ULK4: variants seen among roughly 807,000 people sequenced by gnomAD.
ULK4 encodes the protein inactive serine/threonine-protein kinase ULK4.
ULK4 carries 133 observed loss-of-function variants against 160.6 expected under a neutral mutation model. The observed-to-expected ratio is 0.83, with a 90% CI of 0.72 to 0.96. The LOEUF (loss-of-function observed/expected upper bound fraction) is 0.96. Among genes scored for constraint, ULK4 ranks in the 40% least tolerant of loss-of-function variants. ULK4 has a pLI of 0.00. For synonymous variants in ULK4, 534 were observed against 539.8 expected, an observed-to-expected ratio of 0.99 and a Z score of 0.15; for missense variants, 1,580 against 1,499.5, an observed-to-expected ratio of 1.05 and a Z score of -0.89.
intron 12 of ULK4, among the ~76,000 whole-genome samples, chr3:41,905,269 A>G (rs571486733): frequency 2.3e-4 from 32 of 142,110 alleles, no homozygotes; most frequent in Non-Finnish European, 4.0e-4. Context: ...AGACAACTGG[A>G]TGTTTCGATG....
chr3:41,914,542 C>A (rs1698904863), intron 8 of ULK4, among the ~76,000 whole-genome samples: 1 of 152,110 alleles, frequency 6.6e-6, no homozygotes, highest in Admixed American at 6.5e-5. Flanking sequence ...TAGCCTTTGG[C>A]CAGCCATTTC....
rs148806676 is a variant in ULK4, at chr3:41,409,059, C to T, written c.3493-10795G>A. The stretch of plus-strand genomic sequence containing the variant: ...CTGCATGAGCCCAGGAGTTTGACAA[C>T]AGCCTGGGGAACGTGGCGAAACCCC... On this transcript the variant is annotated intron_variant, in intron 34 of 36. Transcript: ENST00000301831. Among the ~76,000 whole-genome samples the T allele has an allele frequency of 5.0e-3, 754 of 152,184 alleles. 6 individuals are homozygous for T. Among genetic ancestry groups the T allele is most frequent in the African/African-American group, 0.017 (695 of 41,504 alleles).
At chr3:41,759,893 T>C (rs113297101) in intron 21 of ULK4, among the ~76,000 whole-genome samples, 1,715 of 152,182 alleles carry the variant, frequency 0.011, 29 homozygotes, top group African/African-American at 0.039. Flanking sequence ...CACCTGAACA[T>C]CCACATGCAA....
chr3:41,356,006 A>G (rs2081022730), intron 35 of ULK4, among the ~76,000 whole-genome samples: 1 of 152,222 alleles, frequency 6.6e-6, no homozygotes, highest in African/African-American at 2.4e-5. Context: ...CCTCTTTCAG[A>G]TAAGCACCTG....
At chr3:41,880,956 AT>A (rs1697495798) in intron 17 of ULK4, among the ~76,000 whole-genome samples, 2 of 152,144 alleles carry the variant, frequency 1.3e-5, no homozygotes, top group Non-Finnish European at 2.9e-5. Context: ...ATAAAATAAG[AT>A]GCTTATAGGG....
intron 32 of ULK4, among the ~76,000 whole-genome samples, chr3:41,488,476 T>C (rs1273361371): frequency 6.6e-6 from 1 of 152,250 alleles, no homozygotes; most frequent in Non-Finnish European, 1.5e-5. Context: ...CAGTTTACTT[T>C]TAACTTCATA....
intron 31 of ULK4, among the ~76,000 whole-genome samples, chr3:41,604,700 G>C (rs1216817065): frequency 6.6e-6 from 1 of 152,020 alleles, no homozygotes; most frequent in Non-Finnish European, 1.5e-5. Flanking sequence ...AAAATTCATG[G>C]ATGTTCAGCA....
At chr3:41,788,443 G>A (rs961115579) in intron 21 of ULK4, among the ~76,000 whole-genome samples, 4 of 152,132 alleles carry the variant, frequency 2.6e-5, no homozygotes, top group African/African-American at 7.2e-5. Flanking sequence ...CCAGCACTTT[G>A]GGAGGCCAAG....
chr3:41,257,538 T>C (rs1483956960), intron 35 of ULK4, among the ~76,000 whole-genome samples: 1 of 150,452 alleles, frequency 6.6e-6, no homozygotes, highest in Non-Finnish European at 1.5e-5. Context: ...GAGGCTGAAA[T>C]GGAAGTATCG....
chr3:41,953,100 C>T (rs1232604645), intron 2 of ULK4, among the ~76,000 whole-genome samples: 1 of 151,700 alleles, frequency 6.6e-6, no homozygotes, highest in African/African-American at 2.4e-5. Context: ...AAGATGAAAA[C>T]AGTTATGGGG....
intron 35 of ULK4, among the ~76,000 whole-genome samples, chr3:41,301,127 T>C (rs1311274416): frequency 6.6e-6 from 1 of 151,718 alleles, no homozygotes; most frequent in Non-Finnish European, 1.5e-5. Context: ...GATTTCTGAA[T>C]CATTTATTGC....
At chr3:41,249,810 G>A (rs1412013592) in intron 35 of ULK4, among the ~76,000 whole-genome samples, 3 of 152,222 alleles carry the variant, frequency 2.0e-5, no homozygotes, top group African/African-American at 7.2e-5. Flanking sequence ...AAGGCAGTCT[G>A]CTGGGGCAGA....
At chr3:41,269,708 T>A (rs1306788341) in intron 35 of ULK4, among the ~76,000 whole-genome samples, 1 of 152,240 alleles carries the variant, frequency 6.6e-6, no homozygotes, top group African/African-American at 2.4e-5. Context: ...CTTCATAGCA[T>A]CCTTATAAAT....
chr3:41,487,013 C>G (rs73828068), intron 32 of ULK4, among the ~76,000 whole-genome samples: 5,683 of 152,114 alleles, frequency 0.037, 337 homozygotes, highest in African/African-American at 0.13. Flanking sequence ...GATTGAGAAC[C>G]TAGGAGAAAT....
intron 18 of ULK4, among the ~76,000 whole-genome samples, chr3:41,831,023 T>TA (rs999572427): frequency 9.2e-5 from 14 of 151,698 alleles, no homozygotes; most frequent in African/African-American, 3.2e-4. Context: ...TTTATTTATT[T>TA]ATTTATTTAT....
intron 22 of ULK4, among the ~76,000 whole-genome samples, chr3:41,753,400 G>A (rs191877290): frequency 1.3e-5 from 2 of 152,236 alleles, no homozygotes; most frequent in African/African-American, 4.8e-5. Flanking sequence ...TCTAGAACAA[G>A]TAAAACCCTG....
In ULK4 at chr3:41,839,719, C is replaced by T. The variant is rs371443571; in HGVS notation, c.1657-3748G>A. Among the ~76,000 whole-genome samples, 5 of 152,140 alleles carry T rather than the reference C, an allele frequency of 3.3e-5. No individual in the cohort carries two copies. The East Asian group carries it at 7.7e-4, about 23-fold the overall frequency. ...GTCTAAAGAAAAAAACTCCCTAGAACTAGTGAGTTCTGCAAGGTCACAGGA... is the reference window on the plus strand; with the variant it reads ...GTCTAAAGAAAAAAACTCCCTAGAATTAGTGAGTTCTGCAAGGTCACAGGA... On this transcript the variant is annotated intron_variant, in intron 17 of 36. Transcript: ENST00000301831.
At chr3:41,841,443 A>G (rs1193720799) in intron 17 of ULK4, among the ~76,000 whole-genome samples, 54 of 113,408 alleles carry the variant, frequency 4.8e-4, no homozygotes, top group South Asian at 9.4e-4. Context: ...GGAAGTGGGC[A>G]CCTCTGCCCG....
At chr3:41,345,211 C>T (rs2080775258) in intron 35 of ULK4, among the ~76,000 whole-genome samples, 1 of 152,096 alleles carries the variant, frequency 6.6e-6, no homozygotes, top group Non-Finnish European at 1.5e-5. Flanking sequence ...TGGATGACAG[C>T]GTGGCAATTC....
Sources: gnomAD v4.1 joint callset for allele counts (sites outside exome capture counted in the v4.1 genomes callset) on GRCh38, gnomAD v4.1.1 for gene constraint, MANE v1.5 for transcripts, NCBI Gene and HGNC (gene_info 2026-07-23, HGNC 2026-07-21) for gene names.